The following ZFP92 variants were observed in gnomAD, a reference collection of about 807,000 sequenced individuals.
ZFP92 encodes the protein ZFP92 zinc finger protein.
Under a neutral mutation model 7.6 loss-of-function variants are expected in ZFP92, and 2 were observed. The ratio of observed to expected loss-of-function variants is 0.26; its 90% CI spans 0.11 to 0.83. The LOEUF is 0.83. ZFP92 is among the 40% of genes least tolerant of loss of function. ZFP92 has a pLI of 0.65. For missense variants in ZFP92, 324 were observed against 408.3 expected, an observed-to-expected ratio of 0.79 and a Z score of 1.78; for synonymous variants, 226 against 183.6, an observed-to-expected ratio of 1.23 and a Z score of -1.87.
chrX:153,416,669 C>T (rs782569223), intron 2 of ZFP92, among the ~76,000 whole-genome samples: 30 of 111,857 alleles, frequency 2.7e-4, no homozygotes, highest in Non-Finnish European at 4.7e-4. Context: ...CTGGTGGGGG[C>T]GTGTGCTGAG....
chrX:153,425,327 G>A lies in ZFP92; in HGVS notation c.*3699G>A, dbSNP rs1258941171. 8.9e-6 allele frequency: 1 copy of A among 111,908 alleles called. No individual in the cohort carries two copies. The highest frequency in any genetic ancestry group is 1.9e-5 in the Non-Finnish European group (1 of 53,251). 9.2% of individuals were successfully genotyped at this position (111,908 alleles called of 1,213,427 possible). On this transcript the variant is annotated 3_prime_UTR_variant, in exon 6 of 6. Transcript: ENST00000338647. ...GCTGGGAAGTGCTTGGGTTCGGACA[G>A]ACAGGGAAGAAGGGAAAGTATGAGG...
intron 5 of ZFP92, 32 bp downstream of exon 5, chrX:153,420,364 C>G: frequency 7.6e-6 from 8 of 1,052,484 alleles, no homozygotes; most frequent in Non-Finnish European, 9.0e-6. Context: ...AGCTCCCCAT[C>G]GGGGTAAAAA....
In ZFP92 at chrX:153,426,124, AT is replaced by A. The variant is rs1392353110; in HGVS notation, c.*4498del. ...ACCTCCCCCATAATCAAGACAGTGA[AT>A]TGATCCGCCACTCCCAAAAGTGGCC... On this transcript the variant is annotated 3_prime_UTR_variant, in exon 6 of 6. Coordinates refer to ENST00000338647, the MANE Select transcript of ZFP92 (RefSeq NM_001136273.2). The A allele has an allele frequency of 9.0e-6, 1 of 110,739 alleles. No individual in the cohort carries two copies. The highest frequency in any genetic ancestry group is 2.9e-4 in the East Asian group (1 of 3,508). The allele number at this position is 110,739 out of a possible 1,213,427, so 9.1% of individuals were successfully genotyped here. A position where few individuals can be genotyped will look rare whatever the true frequency, so the allele number is the denominator to read the frequency against.
At position 153,421,585 on chromosome X, in the gene ZFP92, G is replaced by A. The variant is rs1176360219; in HGVS notation, c.1208G>A (p.Arg403Gln). 1.2e-5 allele frequency: 12 copies of A among 1,038,472 alleles called. No individual in the cohort carries two copies. Among genetic ancestry groups the A allele is most frequent in the East Asian group, 4.3e-5 (1 of 23,402 alleles). The allele number at this position is 1,038,472 out of a possible 1,213,427, so 85.6% of individuals were successfully genotyped here. ...GCGGTGGCGGCCACCAGCCCCCCGCGGCCGAGCACAGCCGCCAGGCCTTCC... is the reference window on the plus strand; with the variant it reads ...GCGGTGGCGGCCACCAGCCCCCCGCAGCCGAGCACAGCCGCCAGGCCTTCC... ...GSAVAATSPPRPSTAARPSRP... is the reference protein window; with the variant it reads ...GSAVAATSPPQPSTAARPSRP... Residue 403 changes from arginine (R) to glutamine (Q), a missense_variant, in exon 6 of 6, where the codon CGG (arginine) becomes CAG (glutamine). Transcript: ENST00000338647.
rs951849718 is a variant in ZFP92 at position 153,411,718 on chromosome X, C to T, written c.-68+15C>T. Among the ~76,000 whole-genome samples, 1 of 113,041 alleles carries T rather than the reference C, an allele frequency of 8.8e-6. No individual in the cohort carries two copies. Among genetic ancestry groups the T allele is most frequent in the African/African-American group, 3.2e-5 (1 of 31,169 alleles). ...GCCGAGCCCAGGTAAGAGGGCCGAG[C>T]TGGGCCGCAGGGGTGCGGGTAAGCG... On this transcript the variant is annotated intron_variant, in intron 1 of 5. Transcript: ENST00000338647.
intron 2 of ZFP92, among the ~76,000 whole-genome samples, chrX:153,412,960 C>G (rs782041073): frequency 1.8e-5 from 2 of 111,916 alleles, no homozygotes; most frequent in South Asian, 7.5e-4. Flanking sequence ...AGGACTTTTT[C>G]AGGCTAGGCT....
Position 153,425,848 on chromosome X carries a change from T to G in ZFP92, c.*4220T>G, listed in dbSNP as rs2089039430. ...GCTGCTCTGCAGATTCTTATATACC[T>G]TTAATCGAAGGCCTTGGACTTTTGA... On this transcript the variant is annotated 3_prime_UTR_variant, in exon 6 of 6. Coordinates refer to ENST00000338647, the MANE Select transcript of ZFP92 (RefSeq NM_001136273.2). The G allele has an allele frequency of 9.0e-6, 1 of 111,252 alleles. No homozygotes were observed. Among genetic ancestry groups the G allele is most frequent in the Non-Finnish European group, 1.9e-5 (1 of 52,962 alleles). The allele number at this position is 111,252 out of a possible 1,213,427, so 9.2% of individuals were successfully genotyped here. A position where few individuals can be genotyped will look rare whatever the true frequency, so the allele number is the denominator to read the frequency against.
Position 153,424,511 on chromosome X carries a change from G to A in ZFP92, c.*2883G>A, listed in dbSNP as rs1333849523. The A allele has an allele frequency of 2.7e-5, 3 of 112,066 alleles. No individual in the cohort carries two copies. Among genetic ancestry groups the A allele is most frequent in the African/African-American group, 6.5e-5 (2 of 30,788 alleles). The allele number at this position is 112,066 out of a possible 1,213,427, so 9.2% of individuals were successfully genotyped here. ...GGCTCCCTCCCTCTTGCTGTGTGGG[G>A]AACTGGGAGGGTATAGCCCAAGCTT... On this transcript the variant is annotated 3_prime_UTR_variant, in exon 6 of 6. Transcript: ENST00000338647.
chrX:153,421,927 A>C lies in ZFP92; in HGVS notation c.*299A>C. The C allele has an allele frequency of 5.4e-6, 1 of 184,047 alleles. No homozygotes were observed. 15.2% of individuals were successfully genotyped at this position (184,047 alleles called of 1,213,427 possible). On this transcript the variant is annotated 3_prime_UTR_variant, in exon 6 of 6. Transcript: ENST00000338647. ...GAGTCCTGGGCCTTGCAACTGAGGC[A>C]CATAGATGGCACCTGGGCCACTCGT...
intron 2 of ZFP92, among the ~76,000 whole-genome samples, chrX:153,416,535 C>G (rs969427916): frequency 9.0e-6 from 1 of 111,446 alleles, no homozygotes; most frequent in Non-Finnish European, 1.9e-5. Flanking sequence ...CCTGTGCCCT[C>G]TCCCTCTCTC....
At chrX:153,412,791 A>G (rs2088919086) in intron 2 of ZFP92, among the ~76,000 whole-genome samples, 2 of 111,553 alleles carry the variant, frequency 1.8e-5, no homozygotes, top group African/African-American at 6.5e-5. Context: ...ACTCTGAGTG[A>G]CACGGGCATC....
chrX:153,415,301 C>G (rs990625908), intron 2 of ZFP92, among the ~76,000 whole-genome samples: 1 of 112,755 alleles, frequency 8.9e-6, no homozygotes, highest in Admixed American at 9.3e-5. Context: ...CAAGACGGCT[C>G]TTGGGAAATG....
rs2124300550 is a variant in ZFP92, at chrX:153,421,624, G to A, written c.1247G>A (p.Arg416His). The A allele has an allele frequency of 4.1e-6, 4 of 983,377 alleles. No homozygotes were observed. Among genetic ancestry groups the A allele is most frequent in the East Asian group, 4.7e-5 (1 of 21,362 alleles). 81.0% of individuals were successfully genotyped at this position (983,377 alleles called of 1,213,427 possible). ...TAARPSRPSR[R>H] Reference sequence around the variant, plus strand: ...GCCAGGCCTTCCAGGCCCAGCCGCCGCTGACTCCCCGCCAGCGCACCCAGG... The same window carrying A: ...GCCAGGCCTTCCAGGCCCAGCCGCCACTGACTCCCCGCCAGCGCACCCAGG... Residue 416 changes from arginine (R) to histidine (H), a missense_variant, in exon 6 of 6, where the codon CGC (arginine) becomes CAC (histidine). Physicochemically the swap from Arg to His is conservative, Grantham distance 29. Coordinates refer to ENST00000338647, the MANE Select transcript of ZFP92 (RefSeq NM_001136273.2).
Position 153,418,318 on chromosome X carries a change from T to C in ZFP92, c.-5T>C, listed in dbSNP as rs1556974204. The C allele has an allele frequency of 8.6e-7, 1 of 1,167,735 alleles. No homozygotes were observed. Among genetic ancestry groups the C allele is most frequent in the Admixed American group, 2.6e-5 (1 of 38,753 alleles). ...CATTTCCCTTAGCTCCTCTGCGCCC[T>C]GGTGATGGCAGCCATTCTCCTGACC... On this transcript the variant is annotated 5_prime_UTR_variant, in exon 3 of 6. Transcript: ENST00000338647.
At position 153,424,836 on chromosome X, in the gene ZFP92, C is replaced by G. The variant is rs1049656626; in HGVS notation, c.*3208C>G. ...ATGAGTATTGGCCTGGAAATGAGCC[C>G]TCTAGTGTAGAGAGGTTATTCTGAG... On this transcript the variant is annotated 3_prime_UTR_variant, in exon 6 of 6. Transcript: ENST00000338647. 2.7e-5 allele frequency: 3 copies of G among 112,769 alleles called. No homozygotes were observed. Among genetic ancestry groups the G allele is most frequent in the Non-Finnish European group, 5.6e-5 (3 of 53,344 alleles). The allele number at this position is 112,769 out of a possible 1,213,427, so 9.3% of individuals were successfully genotyped here.
At position 153,420,236 on chromosome X, in the gene ZFP92, T is replaced by C; in HGVS notation, c.169T>C (p.Phe57Leu). Reference sequence around the variant, plus strand: ...TCATATTCCACGCCCAGGATTTTCCTTCTCCAAGCCTCACCTGATCTCCCA... The same window carrying C: ...TCATATTCCACGCCCAGGATTTTCCCTCTCCAAGCCTCACCTGATCTCCCA... ...YSHLVSLGFS[F>L]SKPHLISQLE... Residue 57 changes from phenylalanine to leucine, a missense_variant, in exon 5 of 6, where the codon TTC (phenylalanine) becomes CTC (leucine). Physicochemically the swap from Phe to Leu is conservative, Grantham distance 22 (BLOSUM62 0). Transcript: ENST00000338647. 1 of 1,166,737 alleles carries C rather than the reference T, an allele frequency of 8.6e-7. No individual in the cohort carries two copies. Among genetic ancestry groups the C allele is most frequent in the Non-Finnish European group, 1.1e-6 (1 of 872,461 alleles).
At chrX:153,417,742 C>G (rs1369732393) in intron 2 of ZFP92, among the ~76,000 whole-genome samples, 1 of 111,809 alleles carries the variant, frequency 8.9e-6, no homozygotes, top group Non-Finnish European at 1.9e-5. Flanking sequence ...TTGAATGGTG[C>G]CCCCCAAAAA....
chrX:153,422,713 C>T lies in ZFP92; in HGVS notation c.*1085C>T, dbSNP rs1159353441. ...CAACAGAGCAAGCCCAGGAACGAAT[C>T]TTTCATCGAATGTCTTTTGCGTGAC... On this transcript the variant is annotated 3_prime_UTR_variant, in exon 6 of 6. Transcript: ENST00000338647. 8.8e-6 allele frequency: 1 copy of T among 113,097 alleles called. No individual in the cohort carries two copies. The highest frequency in any genetic ancestry group is 9.2e-5 in the Admixed American group (1 of 10,825). 9.3% of individuals were successfully genotyped at this position (113,097 alleles called of 1,213,427 possible).
Position 153,418,808 on chromosome X carries a change from T to A in ZFP92, c.160+9T>A. Reference sequence around the variant, plus strand: ...CCATTTGGTGTCACTGGGTAAGTGATCCCTCCACGACATACACACACCCAG... The same window carrying A: ...CCATTTGGTGTCACTGGGTAAGTGAACCCTCCACGACATACACACACCCAG... On this transcript the variant is annotated intron_variant, in intron 4 of 5. Transcript: ENST00000338647. 1 of 1,166,641 alleles carries A rather than the reference T, an allele frequency of 8.6e-7. No individual in the cohort carries two copies. The highest frequency in any genetic ancestry group is 1.1e-6 in the Non-Finnish European group (1 of 872,595).
Sources: allele counts gnomAD v4.1 joint callset (sites outside exome capture counted in the v4.1 genomes callset), GRCh38; gene constraint gnomAD v4.1.1; transcripts MANE v1.5; gene names NCBI Gene and HGNC (gene_info 2026-07-23, HGNC 2026-07-21).